Variants in TOX observed in about 807,000 individuals in gnomAD.
TOX encodes the protein thymocyte selection-associated high mobility group box protein TOX.
In TOX, 11 loss-of-function variants were observed where a neutral mutation model predicts 53.7. The ratio of observed to expected loss-of-function variants is 0.20; its 90% CI spans 0.13 to 0.34. The LOEUF (loss-of-function observed/expected upper bound fraction) is 0.34. Ranked by LOEUF, TOX falls within the 10% of genes least tolerant of loss-of-function variation. TOX has a pLI of 1.00. For synonymous variants in TOX, 225 were observed against 245.3 expected, an observed-to-expected ratio of 0.92 and a Z score of 0.77; for missense variants, 570 against 664.6, an observed-to-expected ratio of 0.86 and a Z score of 1.56.
chr8:59,115,879 A>C (rs1382532157), intron 1 of TOX, among the ~76,000 whole-genome samples: 1 of 152,166 alleles, frequency 6.6e-6, no homozygotes, highest in Non-Finnish European at 1.5e-5. Flanking sequence ...TTAGTCTTAC[A>C]GTAGAGCAAT....
intron 1 of TOX, among the ~76,000 whole-genome samples, chr8:59,096,097 A>G (rs1174158402): frequency 6.6e-6 from 1 of 152,240 alleles, no homozygotes; most frequent in African/African-American, 2.4e-5. Context: ...AAGAGGTAAT[A>G]CCAATTAAAG....
At chr8:58,838,831 A>G (rs1028487478) in intron 4 of TOX, among the ~76,000 whole-genome samples, 1 of 149,906 alleles carries the variant, frequency 6.7e-6, no homozygotes, top group Non-Finnish European at 1.5e-5. Context: ...CCTCCCCGAC[A>G]GCTGGGACTA....
intron 1 of TOX, among the ~76,000 whole-genome samples, chr8:59,022,609 G>A (rs572088272): frequency 2.0e-5 from 3 of 152,232 alleles, no homozygotes; most frequent in African/African-American, 7.2e-5. Flanking sequence ...TCAGATTACA[G>A]GATGATTGAT....
chr8:58,922,510 T>C (rs1219771600), intron 3 of TOX, among the ~76,000 whole-genome samples: 1 of 152,160 alleles, frequency 6.6e-6, no homozygotes, highest in African/African-American at 2.4e-5. Context: ...TTATTATAGA[T>C]AGGTGTTACA....
intron 1 of TOX, among the ~76,000 whole-genome samples, chr8:58,972,598 T>G (rs967702401): frequency 3.9e-5 from 6 of 152,314 alleles, no homozygotes; most frequent in East Asian, 1.9e-4. Flanking sequence ...AATCACTCTT[T>G]GTATTTAATT....
chr8:59,090,846 C>G (rs1216928608), intron 1 of TOX, among the ~76,000 whole-genome samples: 1 of 152,118 alleles, frequency 6.6e-6, no homozygotes, highest in East Asian at 1.9e-4. Context: ...CAAGGCCCAT[C>G]AAACAAATCA....
intron 1 of TOX, among the ~76,000 whole-genome samples, chr8:59,100,196 G>A (rs1804783255): frequency 6.6e-6 from 1 of 152,192 alleles, no homozygotes; most frequent in African/African-American, 2.4e-5. Flanking sequence ...TATTAATAAT[G>A]TGTTGTTTTC....
chr8:58,830,764 G>T (rs1810440242), intron 5 of TOX, among the ~76,000 whole-genome samples: 1 of 151,936 alleles, frequency 6.6e-6, no homozygotes, highest in South Asian at 2.1e-4. Flanking sequence ...TTCCAATTCT[G>T]GATTCTATCC....
At chr8:59,079,749 A>T (rs113417224) in intron 1 of TOX, among the ~76,000 whole-genome samples, 1 of 152,150 alleles carries the variant, frequency 6.6e-6, no homozygotes, top group Non-Finnish European at 1.5e-5. Flanking sequence ...AGCCCCACAC[A>T]CAGTCCCAGC....
chr8:58,970,339 C>T (rs111640875), intron 1 of TOX, among the ~76,000 whole-genome samples: 4,538 of 152,216 alleles, frequency 0.03, 224 homozygotes, highest in African/African-American at 0.1. Flanking sequence ...TCTATGCTTA[C>T]CCATCATCTC....
rs776800072 is a variant in TOX, at chr8:58,815,478, G to A, written c.1252C>T (p.Pro418Ser). Residue 418 changes from proline (P) to serine (S), a missense_variant, in exon 7 of 9, where the codon CCT (proline) becomes TCT (serine). This residue lies in a region of TOX where 239 missense variants were observed against 250.7 expected (regional missense o/e 0.95). Coordinates refer to ENST00000361421, the MANE Select transcript of TOX (RefSeq NM_014729.3). ...GGCGGGCTGATCTGGAGGGGAGGAG[G>A]AGGGGACACAGCCATGTTTGCTATA... Reference protein sequence around the residue: ...VSIANMAVSPPPPLQISPPLH... With the variant: ...VSIANMAVSPSPPLQISPPLH... 3.1e-6 allele frequency: 5 copies of A among 1,614,062 alleles called. No homozygotes were observed. The South Asian group carries it at 3.3e-5, about 11-fold the overall frequency.
chr8:59,019,804 T>C (rs191710060), intron 1 of TOX, among the ~76,000 whole-genome samples: 25 of 152,308 alleles, frequency 1.6e-4, no homozygotes, highest in Admixed American at 1.4e-3. Context: ...TCATTACAGA[T>C]TATCATTTCA....
At chr8:59,041,360 C>T (rs1291304259) in intron 1 of TOX, among the ~76,000 whole-genome samples, 1 of 152,126 alleles carries the variant, frequency 6.6e-6, no homozygotes, top group African/African-American at 2.4e-5. Context: ...CCAAACTCAT[C>T]AGGCAGGAGT....
chr8:59,082,024 T>A (rs1408434691), intron 1 of TOX, among the ~76,000 whole-genome samples: 1 of 152,240 alleles, frequency 6.6e-6, no homozygotes, highest in East Asian at 1.9e-4. Context: ...AGTGATTTAT[T>A]TCATTCTATC....
At chr8:58,977,339 T>C (rs890613503) in intron 1 of TOX, among the ~76,000 whole-genome samples, 1 of 152,238 alleles carries the variant, frequency 6.6e-6, no homozygotes, top group African/African-American at 2.4e-5. Context: ...CTTTATAGAA[T>C]TGAAGAGAGG....
intron 3 of TOX, among the ~76,000 whole-genome samples, chr8:58,921,219 T>C (rs1812069281): frequency 6.6e-6 from 1 of 152,230 alleles, no homozygotes; most frequent in South Asian, 2.1e-4. Context: ...TAAAAGTTGT[T>C]TCTGCTTTAA....
chr8:59,113,680 G>A (rs1228737346), intron 1 of TOX, among the ~76,000 whole-genome samples: 3 of 152,106 alleles, frequency 2.0e-5, no homozygotes, highest in African/African-American at 4.8e-5. Context: ...TAAGATTGGG[G>A]AGGAGACTAG....
At chr8:59,016,962 C>T (rs751841206) in intron 1 of TOX, among the ~76,000 whole-genome samples, 1 of 152,196 alleles carries the variant, frequency 6.6e-6, no homozygotes, top group Non-Finnish European at 1.5e-5. Context: ...CTATCACCTC[C>T]TCTAGCATGA....
intron 1 of TOX, among the ~76,000 whole-genome samples, chr8:59,035,856 G>C (rs1340044413): frequency 6.6e-6 from 1 of 152,248 alleles, no homozygotes; most frequent in Non-Finnish European, 1.5e-5. Context: ...CCATGTGCCA[G>C]CCAGAGGGCA....
Sources: gnomAD v4.1 joint callset for allele counts (sites outside exome capture counted in the v4.1 genomes callset) on GRCh38, gnomAD v4.1.1 for gene constraint, gnomAD v4.1.1 regional missense constraint, MANE v1.5 for transcripts, NCBI Gene and HGNC (gene_info 2026-07-23, HGNC 2026-07-21) for gene names.